The following SOX5 variants were observed in gnomAD, a reference collection of about 807,000 sequenced individuals.
The protein encoded by SOX5 is transcription factor SOX-5.
A neutral mutation model predicts 92.0 loss-of-function variants in SOX5; 9 were observed. The ratio of observed to expected loss-of-function variants is 0.10; its 90% CI spans 0.06 to 0.17. The LOEUF is 0.17. Ranked by LOEUF, SOX5 falls within the 10% of genes least tolerant of loss-of-function variation. The probability of loss-of-function intolerance (pLI) is 1.00; values close to 1 mark genes in which losing one functional copy is unlikely to be tolerated. For synonymous variants in SOX5, 344 were observed against 336.3 expected, an observed-to-expected ratio of 1.02 and a Z score of -0.25; for missense variants, 642 against 944.5, an observed-to-expected ratio of 0.68 and a Z score of 4.20.
intron 2 of SOX5, among the ~76,000 whole-genome samples, chr12:24,338,563 G>T (rs1010666782): frequency 3.9e-5 from 6 of 152,200 alleles, no homozygotes; most frequent in Admixed American, 2.6e-4. Context: ...GTTGACCTGA[G>T]TCATTTCTGG....
intron 4 of SOX5, among the ~76,000 whole-genome samples, chr12:24,048,887 A>C (rs1045104358): frequency 2.0e-5 from 3 of 152,182 alleles, no homozygotes; most frequent in Non-Finnish European, 4.4e-5. Flanking sequence ...AGTGACTGTT[A>C]ATAAGCATGG....
In SOX5 at chr12:24,489,435, C is replaced by T. The variant is rs137895397; in HGVS notation, c.-251+72894G>A. On this transcript the variant is annotated intron_variant, in intron 1 of 4. Coordinates refer to the SOX5 transcript ENST00000446891. ...TTCCCTGGGGGTCTAAGTGGACTTG[C>T]GGGAGGCTGTTCAGTTATCCCACAG... 2.7e-3 allele frequency among the ~76,000 whole-genome samples: 416 copies of T among 152,152 alleles called. 2 individuals carry two copies. The highest frequency in any genetic ancestry group is 9.3e-3 in the African/African-American group (387 of 41,492).
At chr12:23,584,886 T>A (rs1296376728) in intron 9 of SOX5, among the ~76,000 whole-genome samples, 2 of 152,062 alleles carry the variant, frequency 1.3e-5, no homozygotes, top group African/African-American at 4.8e-5. Context: ...GTTGTTTTCT[T>A]GAACATCTCG....
chr12:23,737,437 G>A (rs2093643680), intron 5 of SOX5, among the ~76,000 whole-genome samples: 1 of 152,096 alleles, frequency 6.6e-6, no homozygotes. Context: ...CTACTTGGGA[G>A]GCTGAGGCAG....
intron 1 of SOX5, among the ~76,000 whole-genome samples, chr12:23,908,262 TC>T (rs35099067): frequency 6.6e-6 from 1 of 151,668 alleles, no homozygotes; most frequent in Non-Finnish European, 1.5e-5. Flanking sequence ...AGAGAATGCT[TC>T]CCCCCAGCAG....
At chr12:23,835,709 A>G (rs2096403674) in intron 3 of SOX5, among the ~76,000 whole-genome samples, 1 of 151,896 alleles carries the variant, frequency 6.6e-6, no homozygotes, top group Non-Finnish European at 1.5e-5. Flanking sequence ...TTTAAAGTTT[A>G]GATACACATG....
intron 1 of SOX5, among the ~76,000 whole-genome samples, chr12:24,421,777 T>C (rs1450065897): frequency 6.6e-6 from 1 of 152,240 alleles, no homozygotes; most frequent in Non-Finnish European, 1.5e-5. Context: ...GGCACACTTA[T>C]TGTATTAAAA....
chr12:23,607,012 T>C (rs1030692288), intron 8 of SOX5, among the ~76,000 whole-genome samples: 16 of 152,186 alleles, frequency 1.1e-4, no homozygotes, highest in Non-Finnish European at 2.4e-4. Context: ...TGCTATTCAG[T>C]TCGAGGATGG....
In SOX5 at chr12:24,376,548, T is replaced by C. The variant is rs569565469; in HGVS notation, c.-250-7909A>G. On this transcript the variant is annotated intron_variant, in intron 1 of 4. Coordinates refer to the SOX5 transcript ENST00000446891. ...TGGTAGCATGAAAAGACAGAGATGG[T>C]AAATGAGACTCAGATGGTCAATAAT... Among the ~76,000 whole-genome samples the C allele has an allele frequency of 1.3e-4, 20 of 152,200 alleles. No homozygotes were observed. In the East Asian group the frequency reaches 1.9e-3, roughly 15 times the overall value.
Position 23,537,063 on chromosome 12 carries a change from A to C in SOX5, c.1772-394T>G, listed in dbSNP as rs1319452473. Among the ~76,000 whole-genome samples, 5 of 152,140 alleles carry C rather than the reference A, an allele frequency of 3.3e-5. No individual in the cohort carries two copies. The East Asian group carries it at 9.6e-4, about 29-fold the overall frequency. On this transcript the variant is annotated intron_variant, in intron 13 of 14. Coordinates refer to ENST00000451604, the MANE Select transcript of SOX5 (RefSeq NM_006940.6). ...AATTATCTAGTTATTGAATATTTTT[A>C]TGTGGGAGATGTTTTTTACTACAAA...
intron 4 of SOX5, among the ~76,000 whole-genome samples, chr12:24,068,102 G>A (rs1480564977): frequency 1.3e-5 from 2 of 152,254 alleles, no homozygotes; most frequent in East Asian, 1.9e-4. Context: ...CCAAGATTGC[G>A]CCACTGCACT....
At chr12:24,250,738 A>G (rs1459750876) in intron 3 of SOX5, among the ~76,000 whole-genome samples, 1 of 152,242 alleles carries the variant, frequency 6.6e-6, no homozygotes, top group African/African-American at 2.4e-5. Context: ...GTTCATTAAG[A>G]AAGATCACTG....
chr12:24,035,156 G>C (rs1475551345), intron 4 of SOX5, among the ~76,000 whole-genome samples: 6 of 152,100 alleles, frequency 3.9e-5, no homozygotes, highest in Admixed American at 2.0e-4. Flanking sequence ...CATGTTTTAA[G>C]TGACACTGAG....
chr12:23,954,724 A>T (rs117538892), upstream of SOX5, among the ~76,000 whole-genome samples: 7,495 of 152,110 alleles, frequency 0.049, 243 homozygotes, highest in Middle Eastern at 0.078. Context: ...AGGTTTTTCT[A>T]ACTTCATACT....
rs1938997214 is a variant in SOX5, at chr12:23,923,304, T to TGAATGAAG, written c.38+26259_38+26260insCTTCATTC. 2.0e-5 allele frequency among the ~76,000 whole-genome samples: 3 copies of TGAATGAAG among 151,398 alleles called. No individual in the cohort carries two copies. The South Asian group carries it at 6.2e-4, about 32-fold the overall frequency. Reference sequence around the variant, plus strand: ...AACCACCCAAAAATAAATGAATGAATGAATGAATGAATGAATGAATGAATG... The same window carrying TGAATGAAG: ...AACCACCCAAAAATAAATGAATGAATGAATGAAGGAATGAATGAATGAATGAATGAATG... On this transcript the variant is annotated intron_variant, in intron 1 of 14. Transcript: ENST00000451604.
chr12:23,892,311 A>G (rs2097137071), intron 2 of SOX5, among the ~76,000 whole-genome samples: 1 of 152,206 alleles, frequency 6.6e-6, no homozygotes, highest in Non-Finnish European at 1.5e-5. Context: ...CCAAGTAGAA[A>G]GAATAAAACT....
chr12:23,769,374 A>G (rs1567614600), intron 3 of SOX5, among the ~76,000 whole-genome samples: 1 of 151,720 alleles, frequency 6.6e-6, no homozygotes, highest in Non-Finnish European at 1.5e-5. Flanking sequence ...AAAAAAAAAA[A>G]TAAGAGGGGA....
At chr12:23,592,295 T>C (rs1288699730) in intron 9 of SOX5, among the ~76,000 whole-genome samples, 2 of 152,248 alleles carry the variant, frequency 1.3e-5, no homozygotes, top group Admixed American at 6.5e-5. Flanking sequence ...TAATTTTCTA[T>C]AAATTTAGAT....
chr12:24,177,308 C>A (rs1954930503), intron 4 of SOX5, among the ~76,000 whole-genome samples: 1 of 152,122 alleles, frequency 6.6e-6, no homozygotes, highest in Admixed American at 6.5e-5. Flanking sequence ...CAAATATAAG[C>A]AATCTAATTC....
Sources: allele counts gnomAD v4.1 joint callset (sites outside exome capture counted in the v4.1 genomes callset), GRCh38; gene constraint gnomAD v4.1.1; transcripts MANE v1.5; gene names NCBI Gene and HGNC (gene_info 2026-07-23, HGNC 2026-07-21).